IQGAP3: variants seen among roughly 807,000 people sequenced by gnomAD.
IQGAP3 encodes ras GTPase-activating-like protein IQGAP3.
Under a neutral mutation model 208.2 loss-of-function variants are expected in IQGAP3, and 165 were observed. That is an observed-to-expected ratio of 0.79 (90% CI 0.70 to 0.90). The LOEUF is 0.90. Ranked by LOEUF, IQGAP3 falls within the 40% of genes least tolerant of loss-of-function variation. The pLI, the probability that IQGAP3 is intolerant of heterozygous loss-of-function variation, is 0.00. For synonymous variants in IQGAP3, 703 were observed against 803.6 expected, an observed-to-expected ratio of 0.87 and a Z score of 2.12; for missense variants, 1,811 against 2,043.1, an observed-to-expected ratio of 0.89 and a Z score of 2.19.
intron 31 of IQGAP3, 139 bp from the exon 32 acceptor site, chr1:156,533,245 C>A (rs1173795838): frequency 9.2e-7 from 1 of 1,087,442 alleles, no homozygotes; most frequent in Admixed American, 2.0e-5. Context: ...AGTTTTCCCA[C>A]ACTGGCCTGC....
intron 11 of IQGAP3, among the ~76,000 whole-genome samples, chr1:156,559,736 G>A (rs1187619628): frequency 6.6e-6 from 1 of 152,218 alleles, no homozygotes; most frequent in Non-Finnish European, 1.5e-5. Flanking sequence ...AATCTAGGGA[G>A]AATAGATTGT....
chr1:156,534,797 T>A, intron 28 of IQGAP3, 64 bp from the exon 29 acceptor site: 1 of 1,240,672 alleles, frequency 8.1e-7, no homozygotes, highest in Non-Finnish European at 1.1e-6. Flanking sequence ...CGGCCCCACA[T>A]TCTCAGCTTG....
chr1:156,570,790 G>A (rs1410297012), intron 1 of IQGAP3, among the ~76,000 whole-genome samples: 5 of 152,360 alleles, frequency 3.3e-5, no homozygotes, highest in Non-Finnish European at 5.9e-5. Context: ...GATTACAGGC[G>A]TGAACCACAG....
chr1:156,533,747 C>T (rs773979081), intron 31 of IQGAP3, 26 bp downstream of exon 31: 7 of 1,585,974 alleles, frequency 4.4e-6, no homozygotes, highest in Middle Eastern at 2.0e-4. Context: ...CCCTAGCTGG[C>T]CTCAGCTGCT....
chr1:156,564,242 T>C (rs984961678), intron 5 of IQGAP3, among the ~76,000 whole-genome samples: 5 of 152,160 alleles, frequency 3.3e-5, no homozygotes, highest in Non-Finnish European at 7.4e-5. Context: ...AGCCAACTGG[T>C]TGCTGATGGC....
intron 2 of IQGAP3, among the ~76,000 whole-genome samples, chr1:156,569,156 G>A (rs573743932): frequency 4.6e-5 from 7 of 152,030 alleles, no homozygotes; most frequent in Admixed American, 3.3e-4. Flanking sequence ...CTATATAAGC[G>A]AACGTCCACA....
chr1:156,530,879 G>C (rs1373942673), intron 33 of IQGAP3, among the ~76,000 whole-genome samples: 1 of 152,130 alleles, frequency 6.6e-6, no homozygotes. Context: ...AGCATTCCCA[G>C]ACGGTCTCTC....
chr1:156,543,996 C>G lies in IQGAP3; in HGVS notation c.2515G>C (p.Asp839His). 1 of 1,614,156 alleles carries G rather than the reference C, an allele frequency of 6.2e-7. No homozygotes were observed. Among genetic ancestry groups the G allele is most frequent in the East Asian group, 2.2e-5 (1 of 44,890 alleles). The part of the protein sequence containing the change: ...AFFRARKAQD[D>H]YRILVHAPHP... Reference sequence around the variant, plus strand: ...GGCAGCTCACCTAATATCCTGTAGTCATCTTGGGCTTTCCTGGCTCGGAAA... The same window carrying G: ...GGCAGCTCACCTAATATCCTGTAGTGATCTTGGGCTTTCCTGGCTCGGAAA... The change falls in exon 22 of 38, where the codon GAC becomes CAC. Residue 839 changes from aspartate (D) to histidine (H), a missense_variant. Physicochemically the swap from Asp to His is moderately conservative, Grantham distance 81. Coordinates refer to ENST00000361170, the MANE Select transcript of IQGAP3 (RefSeq NM_178229.5).
Position 156,556,651 on chromosome 1 carries a change from C to T in IQGAP3, c.1172G>A (p.Arg391Lys). ...CTCCTTCACAGTGTCAGCCGCCACT[C>T]TCCTCCGGATGGCTTTGTTGATCCG... ...VQRINKAIRR[R>K]VAADTVKELM... The change falls in exon 12 of 38, where the codon AGA (arginine) becomes AAA (lysine). Residue 391 changes from arginine (R) to lysine (K), a missense_variant. Transcript: ENST00000361170. The T allele has an allele frequency of 6.2e-7, 1 of 1,607,894 alleles. No homozygotes were observed. Among genetic ancestry groups the T allele is most frequent in the Non-Finnish European group, 8.5e-7 (1 of 1,175,974 alleles).
intron 33 of IQGAP3, among the ~76,000 whole-genome samples, chr1:156,530,808 A>G (rs1674356366): frequency 6.6e-6 from 1 of 151,916 alleles, no homozygotes. Context: ...CCTGCCTACT[A>G]CCTTCTCCTG....
chr1:156,530,030 A>T, intron 34 of IQGAP3, 75 bp downstream of exon 34: 1 of 1,225,566 alleles, frequency 8.2e-7, no homozygotes, highest in Non-Finnish European at 1.2e-6. Flanking sequence ...CACCAACACT[A>T]TGGATTAACA....
intron 12 of IQGAP3, 138 bp downstream of exon 12, chr1:156,556,395 G>A (rs1298984968): frequency 4.0e-6 from 3 of 745,234 alleles, no homozygotes; most frequent in Non-Finnish European, 6.6e-6. Flanking sequence ...AGTAAGGCAG[G>A]GATGGTAGCT....
chr1:156,556,740 G>C, intron 11 of IQGAP3, 47 bp from the exon 12 acceptor site: 1 of 1,464,662 alleles, frequency 6.8e-7, no homozygotes, highest in Non-Finnish European at 9.1e-7. Flanking sequence ...GCATTCAGTG[G>C]CATCTCCACT....
chr1:156,539,821 G>T lies in IQGAP3; in HGVS notation c.2892+17C>A. 1.2e-6 allele frequency: 2 copies of T among 1,614,002 alleles called. No homozygotes were observed. The highest frequency in any genetic ancestry group is 1.7e-6 in the Non-Finnish European group (2 of 1,179,838). On this transcript the variant is annotated intron_variant, in intron 24 of 37. Transcript: ENST00000361170. ...AGGAGACGGGAGAGACTTCTCCTTGGAAAGTCCTCTGCTAACCTGGAGCAG... is the reference window on the plus strand; with the variant it reads ...AGGAGACGGGAGAGACTTCTCCTTGTAAAGTCCTCTGCTAACCTGGAGCAG...
Position 156,556,680 on chromosome 1 carries a change from C to T in IQGAP3, c.1143G>A (p.Val381=). The part of the protein sequence containing the change: ...GDQEQAMLHA[V]QRINKAIRRR... ...TCCGGATGGCTTTGTTGATCCGCTG[C>T]ACAGCGTGGAGCACTGCAAGGCAGG... Residue 381 remains valine (V), a synonymous_variant, in exon 12 of 38, where the codon GTG becomes GTA. Coordinates refer to ENST00000361170, the MANE Select transcript of IQGAP3 (RefSeq NM_178229.5). 1 of 1,591,328 alleles carries T rather than the reference C, an allele frequency of 6.3e-7. No homozygotes were observed. The highest frequency in any genetic ancestry group is 8.6e-7 in the Non-Finnish European group (1 of 1,166,440).
chr1:156,566,621 C>T, intron 2 of IQGAP3, 75 bp from the exon 3 acceptor site: 1 of 1,445,316 alleles, frequency 6.9e-7, no homozygotes, highest in Non-Finnish European at 9.5e-7. Context: ...GAACTTCCCT[C>T]TGTCCCTCCT....
intron 3 of IQGAP3, 40 bp from the exon 4 acceptor site, chr1:156,566,144 T>G: frequency 6.4e-7 from 1 of 1,554,910 alleles, no homozygotes. Flanking sequence ...TCCACAGTTC[T>G]CAGCACTCCC....
chr1:156,564,569 G>C, intron 5 of IQGAP3, 46 bp downstream of exon 5: 2 of 1,240,236 alleles, frequency 1.6e-6, no homozygotes, highest in Non-Finnish European at 2.4e-6. Context: ...ATTGTTGGTC[G>C]CATCCACCTA....
At chr1:156,565,068 C>A (rs953071081) in intron 4 of IQGAP3, among the ~76,000 whole-genome samples, 2 of 152,210 alleles carry the variant, frequency 1.3e-5, no homozygotes, top group Admixed American at 6.5e-5. Flanking sequence ...GCATGCCTCA[C>A]CTTAGACCCT....
Sources: allele counts gnomAD v4.1 joint callset (sites outside exome capture counted in the v4.1 genomes callset), GRCh38; gene constraint gnomAD v4.1.1; transcripts MANE v1.5; gene names NCBI Gene and HGNC (gene_info 2026-07-23, HGNC 2026-07-21).